Variants in ACAN observed in about 807,000 individuals in gnomAD.
ACAN encodes the protein aggrecan.
ACAN carries 47 observed loss-of-function variants against 169.1 expected under a neutral mutation model. The observed-to-expected ratio is 0.28, with a 90% confidence interval of 0.22 to 0.35. The LOEUF is 0.35. ACAN is among the 10% of genes least tolerant of loss of function. The probability of loss-of-function intolerance (pLI) is 1.00; values close to 1 mark genes in which losing one functional copy is unlikely to be tolerated. For missense variants in ACAN, 2,716 were observed against 2,759.9 expected, an observed-to-expected ratio of 0.98 and a Z score of 0.36; for synonymous variants, 1,115 against 1,112.2, an observed-to-expected ratio of 1.00 and a Z score of -0.05.
rs539715911 is a variant in ACAN, at chr15:88,867,383, C to A, written c.6947-833C>A. ...CCAGACTGGTGCCAGTGCTGTTGTG[C>A]GACCACTTGCTAACCACCTCTGTAG... On this transcript the variant is annotated intron_variant, in intron 13 of 18. Coordinates refer to ENST00000560601, the MANE Select transcript of ACAN (RefSeq NM_001369268.1). Among the ~76,000 whole-genome samples the A allele has an allele frequency of 2.0e-5, 3 of 152,258 alleles. No individual in the cohort carries two copies. In the South Asian group the frequency reaches 6.2e-4, roughly 32 times the overall value.
At position 88,843,245 on chromosome 15, in the gene ACAN, G is replaced by C; in HGVS notation, c.758-110G>C. ...GCAGACATATGGGACCAGGACTTTG[G>C]GAAGTTAAAGGACTCCCAAGACCTC... On this transcript the variant is annotated intron_variant, in intron 5 of 18. Transcript: ENST00000560601. This position sits in a 1 kb window ranked among gnomAD's most constrained non-coding sequence, Gnocchi z 4.0. 1 of 1,029,654 alleles carries C rather than the reference G, an allele frequency of 9.7e-7. No homozygotes were observed. The highest frequency in any genetic ancestry group is 1.4e-6 in the Non-Finnish European group (1 of 728,556). The allele number at this position is 1,029,654 out of a possible 1,614,324, so 63.8% of individuals were successfully genotyped here.
chr15:88,838,649 C>CCT lies in ACAN; in HGVS notation c.71-10_71-9dup. The CCT allele has an allele frequency of 6.4e-7, 1 of 1,561,172 alleles. No homozygotes were observed. Among genetic ancestry groups the CCT allele is most frequent in the African/African-American group, 1.3e-5 (1 of 74,114 alleles). Reference sequence around the variant, plus strand: ...ACTAACAGGTCTCTCTTCTACCCCACCTCTCCCACACAGACCATGACAACT... The same window carrying CCT: ...ACTAACAGGTCTCTCTTCTACCCCACCTCTCTCCCACACAGACCATGACAACT... On this transcript the variant is annotated splice_polypyrimidine_tract_variant and intron_variant, in intron 2 of 18. Transcript: ENST00000560601. This position sits in a 1 kb window ranked among gnomAD's most constrained non-coding sequence, Gnocchi z 5.1.
At position 88,845,572 on chromosome 15, in the gene ACAN, G is replaced by C; in HGVS notation, c.1119G>C (p.Gln373His). 6.2e-7 allele frequency: 1 copy of C among 1,613,996 alleles called. No homozygotes were observed. The highest frequency in any genetic ancestry group is 8.5e-7 in the Non-Finnish European group (1 of 1,179,894). Residue 373 changes from glutamine to histidine, a missense_variant, in exon 7 of 19, where the codon CAG (glutamine) becomes CAC (histidine). Gln to His is a conservative substitution (Grantham distance 24). This residue lies in a region of ACAN where 1,283 missense variants were observed against 1,281.5 expected (regional missense o/e 1.00). Coordinates refer to ENST00000560601, the MANE Select transcript of ACAN (RefSeq NM_001369268.1). ...GGGGTGAGGAGGACATCACCGTCCA[G>C]ACAGTGACCTGGCCTGACATGGAGC... is the stretch of plus-strand genomic sequence containing the variant. ...GVGGEEDITV[Q>H]TVTWPDMELP...
intron 10 of ACAN, chr15:88,850,022 T>C (rs371330450): frequency 4.5e-5 from 27 of 601,112 alleles, no homozygotes; most frequent in African/African-American, 4.3e-4. Context: ...TGCTACTTAA[T>C]AGCTGTGTGA....
rs1423382584 is a variant in ACAN at position 88,803,751 on chromosome 15, G to C, written c.-66G>C. 2.0e-5 allele frequency: 3 copies of C among 152,260 alleles called. No individual in the cohort carries two copies. Among genetic ancestry groups the C allele is most frequent in the East Asian group, 1.9e-4 (1 of 5,142 alleles). 9.4% of individuals were successfully genotyped at this position (152,260 alleles called of 1,614,324 possible). A position where few individuals can be genotyped will look rare whatever the true frequency, so the allele number is the denominator to read the frequency against. ...GGCCTCCCGGCCCCAGGAGCCCCCA[G>C]CTGCCTCGCCAGGTGTGTGGGACTG... On this transcript the variant is annotated 5_prime_UTR_variant, in exon 1 of 19. Transcript: ENST00000560601.
At chr15:88,833,437 G>A (rs889681688) in intron 1 of ACAN, among the ~76,000 whole-genome samples, 1 of 151,724 alleles carries the variant, frequency 6.6e-6, no homozygotes, top group African/African-American at 2.4e-5. Flanking sequence ...CTATGCTGTC[G>A]CCCTGTCAGC....
In ACAN at chr15:88,829,895, G is replaced by A. The variant is rs117214214; in HGVS notation, c.-7-6305G>A. The stretch of plus-strand genomic sequence containing the variant: ...TTTAAGACTTGATTTTCAAACTCTA[G>A]GAGGTCACAGTCTGCGTGATGAGAC... On this transcript the variant is annotated intron_variant, in intron 1 of 18. Coordinates refer to ENST00000560601, the MANE Select transcript of ACAN (RefSeq NM_001369268.1). 5.1e-4 allele frequency among the ~76,000 whole-genome samples: 78 copies of A among 152,306 alleles called. No individual in the cohort carries two copies. The East Asian group carries it at 0.015, about 29-fold the overall frequency.
chr15:88,824,057 G>T (rs572525454), intron 1 of ACAN, among the ~76,000 whole-genome samples: 18 of 152,204 alleles, frequency 1.2e-4, no homozygotes, highest in African/African-American at 3.6e-4. Flanking sequence ...GGGCGCAGTG[G>T]CTCACGCCTG....
At chr15:88,815,585 A>C (rs1418811901) in intron 1 of ACAN, among the ~76,000 whole-genome samples, 1 of 143,692 alleles carries the variant, frequency 7.0e-6, no homozygotes, top group Non-Finnish European at 1.5e-5. Context: ...GTAGAAGTGC[A>C]GAAGAGAAAG....
intron 1 of ACAN, among the ~76,000 whole-genome samples, chr15:88,833,464 C>T (rs1896416267): frequency 6.6e-6 from 1 of 152,096 alleles, no homozygotes; most frequent in African/African-American, 2.4e-5. Context: ...TTCAGCTTCC[C>T]ATGGAGAAAG....
chr15:88,859,435 C>G lies in ACAN; in HGVS notation c.6832+18C>G. 3 of 1,551,944 alleles carry G rather than the reference C, an allele frequency of 1.9e-6. No homozygotes were observed. Among genetic ancestry groups the G allele is most frequent in the African/African-American group, 1.4e-5 (1 of 73,142 alleles). ...TGCTGCAGGTATTGTGATTTTTTCCCCCTTTAAATGTGCTTAGGTAGTTCA... is the reference window on the plus strand; with the variant it reads ...TGCTGCAGGTATTGTGATTTTTTCCGCCTTTAAATGTGCTTAGGTAGTTCA... On this transcript the variant is annotated intron_variant, in intron 12 of 18. Coordinates refer to ENST00000560601, the MANE Select transcript of ACAN (RefSeq NM_001369268.1).
At chr15:88,859,775 GAGA>G (rs1387866315) in intron 12 of ACAN, among the ~76,000 whole-genome samples, 1 of 152,380 alleles carries the variant, frequency 6.6e-6, no homozygotes, top group South Asian at 2.1e-4. Flanking sequence ...GGCACAGGGA[GAGA>G]AGGATGACTG....
Position 88,858,921 on chromosome 15 carries a change from G to A in ACAN, c.6336G>A (p.Gly2112=), listed in dbSNP as rs1240524851. ...ETSAYPEAGF[G]ASAAPEASRE... ...CCGCCTATCCTGAAGCTGGGTTCGGGGCATCTGCCGCCCCTGAGGCCAGCA... is the reference window on the plus strand; with the variant it reads ...CCGCCTATCCTGAAGCTGGGTTCGGAGCATCTGCCGCCCCTGAGGCCAGCA... The change falls in exon 12 of 19, where the codon GGG becomes GGA. Residue 2112 remains glycine (G), a synonymous_variant. Transcript: ENST00000560601. The surrounding 1 kb of genome is among the most constrained non-coding windows in gnomAD (Gnocchi z 4.0). The A allele has an allele frequency of 3.1e-6, 5 of 1,609,248 alleles. No homozygotes were observed. Among genetic ancestry groups the A allele is most frequent in the Non-Finnish European group, 4.2e-6 (5 of 1,176,508 alleles).
At position 88,866,372 on chromosome 15, in the gene ACAN, TAA is replaced by T. The variant is rs750769759; in HGVS notation, c.6947-1841_6947-1840del. ...CATCTCCCATAATGACGCTAATGGA[TAA>T]AAGAGAACAGGCAGGAGAGCCGCCC... On this transcript the variant is annotated intron_variant, in intron 13 of 18. Transcript: ENST00000560601. This position sits in a 1 kb window ranked among gnomAD's most constrained non-coding sequence, Gnocchi z 5.6. Among the ~76,000 whole-genome samples the T allele has an allele frequency of 6.6e-5, 10 of 151,966 alleles. No individual in the cohort carries two copies. Among genetic ancestry groups the T allele is most frequent in the East Asian group, 3.9e-4 (2 of 5,164 alleles).
At chr15:88,835,401 A>T (rs960603741) in intron 1 of ACAN, among the ~76,000 whole-genome samples, 2 of 152,108 alleles carry the variant, frequency 1.3e-5, no homozygotes, top group Non-Finnish European at 2.9e-5. Context: ...ACACAGACAC[A>T]CACATACACA....
At chr15:88,811,241 C>A (rs1479581469) in intron 1 of ACAN, among the ~76,000 whole-genome samples, 1 of 152,180 alleles carries the variant, frequency 6.6e-6, no homozygotes, top group African/African-American at 2.4e-5. Context: ...GCTGATGGAC[C>A]TTGGAAATCA....
chr15:88,858,836 C>T lies in ACAN; in HGVS notation c.6251C>T (p.Pro2084Leu), dbSNP rs775391979. The change falls in exon 12 of 19, where the codon CCA becomes CTA. Residue 2084 changes from proline (P) to leucine (L), a missense_variant. By Grantham distance (98) the Pro-to-Leu change is moderately conservative. Coordinates refer to ENST00000560601, the MANE Select transcript of ACAN (RefSeq NM_001369268.1). This position sits in a 1 kb window ranked among gnomAD's most constrained non-coding sequence, Gnocchi z 4.0. ...STAGDISGAT[P>L]VLPGSGVEVS... ...GCTGGGGACATTAGTGGAGCTACCC[C>T]AGTGCTCCCTGGGTCTGGAGTAGAA... 3 of 1,613,666 alleles carry T rather than the reference C, an allele frequency of 1.9e-6. No homozygotes were observed. Among genetic ancestry groups the T allele is most frequent in the Non-Finnish European group, 2.5e-6 (3 of 1,179,754 alleles).
rs59329974 is a variant in ACAN, at chr15:88,844,368, T to TTTATTATTATTA, written c.1051+729_1051+740dup. 3.2e-3 allele frequency among the ~76,000 whole-genome samples: 480 copies of TTTATTATTATTA among 149,794 alleles called. 3 individuals carry two copies. The highest frequency in any genetic ancestry group is 0.011 in the African/African-American group (461 of 40,382). On this transcript the variant is annotated intron_variant, in intron 6 of 18. Coordinates refer to ENST00000560601, the MANE Select transcript of ACAN (RefSeq NM_001369268.1). ...CAGGCTGGGCAAAATGTCATTTTAC[T>TTTATTATTATTA]TTATTATTATTATTATTATTGTTGA...
In ACAN at chr15:88,869,555, C is replaced by T. The variant is rs1300974084; in HGVS notation, c.7060+1226C>T. ...TGGAAGCAGAGACTACAAGGATTTT[C>T]TCCCCATGATACCACAACATTTGCC... On this transcript the variant is annotated intron_variant, in intron 14 of 18. Transcript: ENST00000560601. This position sits in a 1 kb window ranked among gnomAD's most constrained non-coding sequence, Gnocchi z 4.2. Among the ~76,000 whole-genome samples, 1 of 152,210 alleles carries T rather than the reference C, an allele frequency of 6.6e-6. No homozygotes were observed. Among genetic ancestry groups the T allele is most frequent in the Non-Finnish European group, 1.5e-5 (1 of 68,026 alleles).
Sources: gnomAD v4.1 joint callset for allele counts (sites outside exome capture counted in the v4.1 genomes callset) on GRCh38, gnomAD v4.1.1 for gene constraint, gnomAD v4.1.1 regional missense constraint, Gnocchi (gnomAD v3.1) non-coding constraint, MANE v1.5 for transcripts, NCBI Gene and HGNC (gene_info 2026-07-23, HGNC 2026-07-21) for gene names.